ERCC6L2: variants seen among roughly 807,000 people sequenced by gnomAD.
The protein encoded by ERCC6L2 is ERCC excision repair 6 like 2, also known as DNA excision repair protein ERCC-6-like 2.
In ERCC6L2, 77 loss-of-function variants were observed where a neutral mutation model predicts 132.0. The observed-to-expected ratio is 0.58, with a 90% CI of 0.49 to 0.71. The LOEUF is 0.71. Among genes scored for constraint, ERCC6L2 ranks in the 30% least tolerant of loss-of-function variants. The pLI is 0.00. For synonymous variants in ERCC6L2, 583 were observed against 632.4 expected (o/e 0.92, Z 1.17); for missense variants, 1,542 against 1,837.6 (o/e 0.84, Z 2.94).
At chr9:95,894,079 T>C (rs1228935586) in intron 2 of ERCC6L2, among the ~76,000 whole-genome samples, 20 of 152,096 alleles carry the variant, frequency 1.3e-4, no homozygotes, top group Admixed American at 1.3e-3. Context: ...GCTTAGCCTA[T>C]CCTACCTTAA....
intron 1 of ERCC6L2, 131 bp downstream of exon 1, chr9:95,876,215 A>C: frequency 2.5e-6 from 2 of 789,944 alleles, no homozygotes; most frequent in Admixed American, 2.7e-5. Context: ...CAGATTGTGA[A>C]CCCCTCCAGG....
At chr9:96,010,507 AT>A (rs1272868636) in intron 18 of ERCC6L2, among the ~76,000 whole-genome samples, 1 of 152,130 alleles carries the variant, frequency 6.6e-6, no homozygotes, top group Non-Finnish European at 1.5e-5. Flanking sequence ...ACCCCCTATG[AT>A]TTTTAGCCTC....
At chr9:96,021,104 G>A (rs1432349877), downstream of ERCC6L2, 7 of 425,906 alleles carry the variant, frequency 1.6e-5, no homozygotes, top group Non-Finnish European at 3.3e-5. The surrounding 1 kb of genome is among the most constrained non-coding windows in gnomAD (Gnocchi z 4.7). Context: ...TTTCCCCCTC[G>A]CGCCCATTAC....
intron 19 of ERCC6L2, among the ~76,000 whole-genome samples, chr9:96,031,352 G>A (rs188828713): frequency 6.6e-6 from 1 of 152,312 alleles, no homozygotes; most frequent in African/African-American, 2.4e-5. Flanking sequence ...TCCCTAAGGA[G>A]GTGACACTTC....
At chr9:95,968,007 C>A (rs1030139668) in intron 14 of ERCC6L2, 2 of 152,060 alleles carry the variant, frequency 1.3e-5, no homozygotes, top group African/African-American at 4.8e-5. Context: ...AGAATAACCA[C>A]CTATTTCTTT....
intron 17 of ERCC6L2, among the ~76,000 whole-genome samples, chr9:96,004,037 C>T (rs1243130447): frequency 6.6e-6 from 1 of 152,036 alleles, no homozygotes; most frequent in African/African-American, 2.4e-5. Context: ...TTCTTGCAAC[C>T]CAGCAGAGGT....
chr9:95,948,814 G>GAA (rs946635291), intron 12 of ERCC6L2, among the ~76,000 whole-genome samples: 6 of 139,508 alleles, frequency 4.3e-5, no homozygotes, highest in Admixed American at 4.2e-4. Flanking sequence ...AAAAAGAAAA[G>GAA]AAAAGAAAGA....
At chr9:95,966,532 C>T (rs759806702) in intron 13 of ERCC6L2, 30 bp from the exon 14 acceptor site, 1 of 1,428,520 alleles carries the variant, frequency 7.0e-7, no homozygotes, top group Admixed American at 2.0e-5. Flanking sequence ...GCAAACACTT[C>T]AAAAATGTCT....
intron 16 of ERCC6L2, among the ~76,000 whole-genome samples, chr9:95,977,305 T>C (rs1468641550): frequency 6.6e-6 from 1 of 152,232 alleles, no homozygotes; most frequent in Non-Finnish European, 1.5e-5. Context: ...GTTTGCATGA[T>C]TGGCAATTTC....
intron 3 of ERCC6L2, among the ~76,000 whole-genome samples, chr9:95,901,410 A>G (rs1223063860): frequency 2.0e-5 from 3 of 152,204 alleles, no homozygotes; most frequent in Admixed American, 6.5e-5. Flanking sequence ...ATGCAGGGAA[A>G]GTTGCATACT....
At chr9:95,896,799 C>T (rs2132600801) in intron 2 of ERCC6L2, among the ~76,000 whole-genome samples, 1 of 152,270 alleles carries the variant, frequency 6.6e-6, no homozygotes, top group East Asian at 1.9e-4. Context: ...CTGTCTCAAG[C>T]ACCTGCTTGT....
intron 3 of ERCC6L2, chr9:95,906,691 A>G: frequency 2.2e-6 from 1 of 458,434 alleles, no homozygotes; most frequent in Non-Finnish European, 4.4e-6. Flanking sequence ...ATATATTTCA[A>G]GAACACGTGG....
intron 6 of ERCC6L2, chr9:95,918,496 G>A: frequency 2.0e-6 from 1 of 502,556 alleles, no homozygotes. Flanking sequence ...GGTTTTGGAA[G>A]TAAAGTTACA....
At chr9:96,020,846 A>G (rs757047827), downstream of ERCC6L2, 1 of 456,740 alleles carries the variant, frequency 2.2e-6, no homozygotes, top group Non-Finnish European at 4.4e-6. Flanking sequence ...ACCCCAGAGC[A>G]GCAGCAACGT....
chr9:95,989,087 T>G (rs1833200113), intron 17 of ERCC6L2, among the ~76,000 whole-genome samples: 2 of 152,256 alleles, frequency 1.3e-5, no homozygotes, highest in South Asian at 4.1e-4. Context: ...CAGTCCTGAG[T>G]GCTGTGCCCT....
intron 2 of ERCC6L2, among the ~76,000 whole-genome samples, chr9:95,886,956 G>A (rs1486041344): frequency 6.6e-6 from 1 of 152,196 alleles, no homozygotes; most frequent in Non-Finnish European, 1.5e-5. Flanking sequence ...TCCTGTCCTT[G>A]AACGTCGGAC....
chr9:96,010,053 TAGAC>T (rs1052823673), intron 18 of ERCC6L2, among the ~76,000 whole-genome samples: 4 of 152,290 alleles, frequency 2.6e-5, no homozygotes, highest in East Asian at 3.9e-4. Context: ...AGATGAAAAA[TAGAC>T]AGAATAATAT....
At chr9:95,918,224 A>G in intron 6 of ERCC6L2, 1 of 455,734 alleles carries the variant, frequency 2.2e-6, no homozygotes, top group South Asian at 1.8e-5. Context: ...AGACAAGCTG[A>G]GATTAAGGTC....
At chr9:96,002,980 A>G (rs1292405935) in intron 17 of ERCC6L2, among the ~76,000 whole-genome samples, 1 of 150,006 alleles carries the variant, frequency 6.7e-6, no homozygotes, top group African/African-American at 2.5e-5. Context: ...TAACTTCCCT[A>G]TTTTTTTTAA....
Sources: allele counts gnomAD v4.1 joint callset (sites outside exome capture counted in the v4.1 genomes callset), GRCh38; gene constraint gnomAD v4.1.1; non-coding constraint Gnocchi (gnomAD v3.1); transcripts MANE v1.5; gene names NCBI Gene and HGNC (gene_info 2026-07-23, HGNC 2026-07-21).